The following CRAT variants were observed in gnomAD, a reference collection of about 807,000 sequenced individuals.
CRAT encodes carnitine O-acetyltransferase.
In CRAT, 66 loss-of-function variants were observed where a neutral mutation model predicts 73.7. The ratio of observed to expected loss-of-function variants is 0.90; its 90% CI spans 0.73 to 1.10. The LOEUF is 1.10. Among genes scored for constraint, CRAT ranks in the 50% least tolerant of loss-of-function variants. The probability of loss-of-function intolerance (pLI) is 0.00; values close to 1 mark genes in which losing one functional copy is unlikely to be tolerated. For synonymous variants in CRAT, 321 were observed against 343.2 expected (o/e 0.94, Z 0.71); for missense variants, 745 against 846.9 (o/e 0.88, Z 1.49).
At chr9:129,102,142 C>CTGGACT in intron 5 of CRAT, 85 bp from the exon 6 acceptor site, 1 of 1,465,106 alleles carries the variant, frequency 6.8e-7, no homozygotes, top group Admixed American at 2.0e-5. Context: ...CTGCCTCCTC[C>CTGGACT]TGGCCTTGGC....
intron 6 of CRAT, among the ~76,000 whole-genome samples, chr9:129,101,281 T>A (rs1847656793): frequency 6.6e-6 from 1 of 152,170 alleles, no homozygotes; most frequent in African/African-American, 2.4e-5. Context: ...GCCGGGGGAA[T>A]GTTGGGAAAA....
At position 129,106,498 on chromosome 9, in the gene CRAT, G is replaced by A. The variant is rs1025461543; in HGVS notation, c.291+1316C>T. On this transcript the variant is annotated intron_variant, in intron 2 of 13. Coordinates refer to ENST00000318080, the MANE Select transcript of CRAT (RefSeq NM_000755.5). This position sits in a 1 kb window ranked among gnomAD's most constrained non-coding sequence, Gnocchi z 4.0. The stretch of plus-strand genomic sequence containing the variant: ...TGCCAGGTGGTGGCGGAGACCCTTC[G>A]GTGGCCCCGTGAGTGGAAGGAGGGG... Among the ~76,000 whole-genome samples the A allele has an allele frequency of 6.6e-6, 1 of 152,108 alleles. No individual in the cohort carries two copies. The highest frequency in any genetic ancestry group is 1.5e-5 in the Non-Finnish European group (1 of 68,010).
intron 1 of CRAT, chr9:129,108,532 A>G (rs1848162561): frequency 1.7e-6 from 2 of 1,160,104 alleles, no homozygotes; most frequent in African/African-American, 3.2e-5. Context: ...AGAGCCAGAC[A>G]ATGGCAGCAC....
chr9:129,097,962 G>A (rs1272246780), intron 11 of CRAT, 51 bp downstream of exon 11: 2 of 1,597,514 alleles, frequency 1.3e-6, no homozygotes, highest in East Asian at 4.5e-5. Flanking sequence ...TGAGTGAGCA[G>A]GAGGGAGGGG....
rs112574397 is a variant in CRAT at position 129,100,828 on chromosome 9, G to A, written c.806-139C>T. ...CTGGGATGAGGAGACCCCCCACCTC[G>A]CCGGCCCTCCAGGGCATTCACCAAG... On this transcript the variant is annotated intron_variant, in intron 6 of 13. Transcript: ENST00000318080. 681 of 1,049,432 alleles carry A rather than the reference G, an allele frequency of 6.5e-4. 2 individuals carry two copies. The African/African-American group carries it at 9.5e-3, about 15-fold the overall frequency. 65.0% of individuals were successfully genotyped at this position (1,049,432 alleles called of 1,614,324 possible).
intron 3 of CRAT, 51 bp downstream of exon 3, chr9:129,104,137 T>C: frequency 7.1e-7 from 1 of 1,415,714 alleles, no homozygotes; most frequent in Non-Finnish European, 9.8e-7. Context: ...CTGGGCGAAG[T>C]GAACTCGAGG....
rs529448801 is a variant in CRAT at position 129,095,450 on chromosome 9, C to T, written c.1828G>A (p.Ala610Thr). Residue 610 changes from alanine to threonine, a missense_variant, in exon 14 of 14, where the codon GCG becomes ACG. Transcript: ENST00000318080. The part of the protein sequence containing the change: ...AARLAHYLEK[A>T]LLDMRALLQS... Reference sequence around the variant, plus strand: ...AGCAGGGCACGCATGTCCAGGAGCGCCTTCTCCAGGTAATGCGCCAGGCGG... The same window carrying T: ...AGCAGGGCACGCATGTCCAGGAGCGTCTTCTCCAGGTAATGCGCCAGGCGG... The T allele has an allele frequency of 1.9e-6, 3 of 1,613,270 alleles. No individual in the cohort carries two copies. In the African/African-American group the frequency reaches 4.0e-5, roughly 21 times the overall value.
At chr9:129,105,878 GC>G (rs1403394307) in intron 2 of CRAT, among the ~76,000 whole-genome samples, 2 of 152,116 alleles carry the variant, frequency 1.3e-5, no homozygotes, top group African/African-American at 4.8e-5. Flanking sequence ...CTGGGCACCA[GC>G]CAGGGATGTG....
At chr9:129,108,341 C>A (rs1171368975) in intron 1 of CRAT, 4 of 1,231,870 alleles carry the variant, frequency 3.2e-6, no homozygotes, top group East Asian at 6.7e-5. Flanking sequence ...ATGAACGGCA[C>A]CTTTGGGGTG....
Position 129,102,051 on chromosome 9 carries a change from C to A in CRAT, c.637G>T (p.Glu213Ter). The A allele has an allele frequency of 1.2e-6, 2 of 1,613,272 alleles. No individual in the cohort carries two copies. Among genetic ancestry groups the A allele is most frequent in the South Asian group, 2.2e-5 (2 of 90,924 alleles). ...CCGTCACTGTGGTACACATCCAGCT[C>A]AAAAAACTGTTGGGGCACAGGCAGG... is the stretch of plus-strand genomic sequence containing the variant. ...ITVVHNYQFF[E>*]LDVYHSDGTP... The change falls in exon 6 of 14, where the codon GAG becomes TAG. Residue 213 changes from glutamate to a stop codon, truncating the protein, a stop_gained. Transcript: ENST00000318080. LOFTEE classifies it high-confidence loss of function.
chr9:129,104,153 G>A (rs1490609605), intron 3 of CRAT, 35 bp downstream of exon 3: 8 of 1,526,476 alleles, frequency 5.2e-6, no homozygotes, highest in African/African-American at 1.4e-5. Context: ...CGAGGGGCCC[G>A]GCTGCCTCCT....
chr9:129,109,388 A>T, intron 1 of CRAT: 1 of 772,278 alleles, frequency 1.3e-6, no homozygotes, highest in Non-Finnish European at 1.9e-6. Context: ...CCTGGGACCC[A>T]TCTGAGCCAT....
Position 129,095,350 on chromosome 9 carries a change from C to G in CRAT, c.*47G>C. The G allele has an allele frequency of 1.3e-6, 2 of 1,592,940 alleles. No homozygotes were observed. The highest frequency in any genetic ancestry group is 1.7e-6 in the Non-Finnish European group (2 of 1,171,896). ...GCTGAGCCCTGGTGGGTGGCCCATC[C>G]CAGGGTGGGCTTGGCTGTGGCATTG... On this transcript the variant is annotated 3_prime_UTR_variant, in exon 14 of 14. Transcript: ENST00000318080.
intron 13 of CRAT, 105 bp downstream of exon 13, chr9:129,095,893 A>G (rs1362685443): frequency 1.8e-5 from 27 of 1,490,196 alleles, no homozygotes; most frequent in Non-Finnish European, 2.5e-5. Context: ...CTCCTCTGGA[A>G]CTCAGCTGTG....
intron 2 of CRAT, among the ~76,000 whole-genome samples, chr9:129,105,411 C>T (rs1847955728): frequency 6.6e-6 from 1 of 152,118 alleles, no homozygotes; most frequent in African/African-American, 2.4e-5. Flanking sequence ...ACCTCCACCT[C>T]CTGCATTCAA....
chr9:129,097,065 C>T (rs1479849747), intron 12 of CRAT, among the ~76,000 whole-genome samples, 185 bp downstream of exon 12: 5 of 137,668 alleles, frequency 3.6e-5, no homozygotes, highest in Admixed American at 6.8e-5. Flanking sequence ...AAGACTCCAT[C>T]TCAAAAAAAA....
rs1229032706 is a variant in CRAT at position 129,098,777 on chromosome 9, T to C, written c.1086-127A>G. The C allele has an allele frequency of 9.0e-6, 10 of 1,105,380 alleles. No individual in the cohort carries two copies. The African/African-American group carries it at 1.7e-4, about 18-fold the overall frequency. The allele number at this position is 1,105,380 out of a possible 1,614,324, so 68.5% of individuals were successfully genotyped here. A position where few individuals can be genotyped will look rare whatever the true frequency, so the allele number is the denominator to read the frequency against. On this transcript the variant is annotated intron_variant, in intron 8 of 13. Transcript: ENST00000318080. Reference sequence around the variant, plus strand: ...CCAGCCCAGGGAGGTGTGAGTTTGTTCTGAAAACCACCCTCACTTCAGCTT... The same window carrying C: ...CCAGCCCAGGGAGGTGTGAGTTTGTCCTGAAAACCACCCTCACTTCAGCTT...
At position 129,098,310 on chromosome 9, in the gene CRAT, TG is replaced by T. The variant is rs1564158639; in HGVS notation, c.1266del (p.Lys423SerfsTer5). Reference sequence around the variant, plus strand: ...GCATCTGGGCTTAGCTTCTCCGACTTGGGGAAGTCTTTTCCAAAATGGTGGA... The same window carrying T: ...GCATCTGGGCTTAGCTTCTCCGACTTGGGAAGTCTTTTCCAAAATGGTGGA... ...MVFHHFGKDF[P>X]KSEKLSPDAF... is the part of the protein sequence containing the mutation. On this transcript the variant is annotated frameshift_variant, in exon 10 of 14. Coordinates refer to ENST00000318080, the MANE Select transcript of CRAT (RefSeq NM_000755.5). LOFTEE classifies it high-confidence loss of function. The T allele has an allele frequency of 1.2e-6, 2 of 1,613,902 alleles. No individual in the cohort carries two copies. Among genetic ancestry groups the T allele is most frequent in the Non-Finnish European group, 8.5e-7 (1 of 1,180,042 alleles).
chr9:129,103,189 C>A lies in CRAT; in HGVS notation c.411-123G>T. The A allele has an allele frequency of 1.2e-6, 1 of 856,040 alleles. No individual in the cohort carries two copies. The highest frequency in any genetic ancestry group is 2.0e-6 in the Non-Finnish European group (1 of 501,266). The allele number at this position is 856,040 out of a possible 1,614,324, so 53.0% of individuals were successfully genotyped here. ...AGCCTCTCTCACCGCTTCCAGAAAG[C>A]CTGGGAGCGCAAGGGAGGGGCCTGC... On this transcript the variant is annotated intron_variant, in intron 3 of 13. Transcript: ENST00000318080. This position sits in a 1 kb window ranked among gnomAD's most constrained non-coding sequence, Gnocchi z 4.6.
Sources: gnomAD v4.1 joint callset for allele counts (sites outside exome capture counted in the v4.1 genomes callset) on GRCh38, gnomAD v4.1.1 for gene constraint, Gnocchi (gnomAD v3.1) non-coding constraint, MANE v1.5 for transcripts, NCBI Gene and HGNC (gene_info 2026-07-23, HGNC 2026-07-21) for gene names.